The following TBC1D5 variants were observed in gnomAD, a reference collection of about 807,000 sequenced individuals.
TBC1D5 encodes TBC1 domain family, member 5.
A neutral mutation model predicts 100.3 loss-of-function variants in TBC1D5; 75 were observed. The observed-to-expected ratio is 0.75, with a 90% CI of 0.62 to 0.91. The LOEUF is 0.91. TBC1D5 is among the 40% of genes least tolerant of loss of function. TBC1D5 has a pLI of 0.00. For missense variants in TBC1D5, 910 were observed against 942.4 expected (o/e 0.97, Z 0.45); for synonymous variants, 323 against 325.6 (o/e 0.99, Z 0.09).
intron 4 of TBC1D5, among the ~76,000 whole-genome samples, chr3:17,419,781 T>A (rs2094164459): frequency 6.6e-6 from 1 of 152,164 alleles, no homozygotes; most frequent in South Asian, 2.1e-4. Context: ...GCTCAAGTGA[T>A]TGTCCCACCT....
At chr3:17,691,257 C>T (rs566932961) in intron 1 of TBC1D5, among the ~76,000 whole-genome samples, 1 of 152,178 alleles carries the variant, frequency 6.6e-6, no homozygotes, top group African/African-American at 2.4e-5. Context: ...CACACCGACC[C>T]CCGATCCCTG....
At chr3:17,680,261 T>A (rs1560450366) in intron 1 of TBC1D5, among the ~76,000 whole-genome samples, 1 of 150,768 alleles carries the variant, frequency 6.6e-6, no homozygotes, top group Non-Finnish European at 1.5e-5. Context: ...AGACAGGGTC[T>A]TGCTATGTCA....
intron 3 of TBC1D5, among the ~76,000 whole-genome samples, chr3:17,507,932 A>T (rs1308679569): frequency 1.3e-5 from 2 of 152,270 alleles, no homozygotes; most frequent in Admixed American, 1.3e-4. Flanking sequence ...GTAGAACCTG[A>T]ATACGGTCTA....
chr3:17,489,687 T>A (rs1003833233), intron 3 of TBC1D5, among the ~76,000 whole-genome samples: 1 of 152,198 alleles, frequency 6.6e-6, no homozygotes, highest in African/African-American at 2.4e-5. Context: ...GACATGATGG[T>A]GTTCCCTTTT....
Position 17,354,318 on chromosome 3 carries a change from C to T in TBC1D5, c.995+17757G>A, listed in dbSNP as rs542777038. ...GAGGAGTTTCTTCATTTACAAACCT[C>T]TCCTTCTGATAGACTTTATCACTTT... On this transcript the variant is annotated intron_variant, in intron 13 of 21. Transcript: ENST00000253692. Among the ~76,000 whole-genome samples, 12 of 152,264 alleles carry T rather than the reference C, an allele frequency of 7.9e-5. No individual in the cohort carries two copies. The South Asian group carries it at 2.3e-3, about 29-fold the overall frequency.
chr3:17,192,774 T>G (rs2070118053), intron 18 of TBC1D5, among the ~76,000 whole-genome samples: 1 of 152,254 alleles, frequency 6.6e-6, no homozygotes, highest in Admixed American at 6.5e-5. Context: ...TATGGCCAGG[T>G]AGCTGGGCAA....
At chr3:17,520,406 T>A (rs1046623026) in intron 2 of TBC1D5, among the ~76,000 whole-genome samples, 1 of 152,166 alleles carries the variant, frequency 6.6e-6, no homozygotes, top group Non-Finnish European at 1.5e-5. Flanking sequence ...ATTTTTAAAT[T>A]AAGGTTAAGA....
intron 1 of TBC1D5, chr3:17,664,973 G>T (rs1407208922): frequency 7.1e-6 from 1 of 140,172 alleles, no homozygotes; most frequent in African/African-American, 2.7e-5. Context: ...AAAGGTTACA[G>T]GCTCTTTTAG....
intron 8 of TBC1D5, among the ~76,000 whole-genome samples, chr3:17,385,346 T>C (rs909247017): frequency 6.6e-6 from 1 of 152,064 alleles, no homozygotes; most frequent in Non-Finnish European, 1.5e-5. Context: ...ACCTAGAGCA[T>C]GAAGGCATAG....
chr3:17,682,892 T>C (rs1372265654), intron 1 of TBC1D5, among the ~76,000 whole-genome samples: 1 of 151,484 alleles, frequency 6.6e-6, no homozygotes, highest in Non-Finnish European at 1.5e-5. Flanking sequence ...CTTATGGCAT[T>C]CATACCAATA....
intron 15 of TBC1D5, among the ~76,000 whole-genome samples, chr3:17,259,574 C>A (rs1319101024): frequency 6.6e-6 from 1 of 151,912 alleles, no homozygotes; most frequent in Non-Finnish European, 1.5e-5. Flanking sequence ...GTTTTTGAAC[C>A]AAGGCATGCA....
chr3:17,490,648 T>C (rs1479564054), intron 3 of TBC1D5, among the ~76,000 whole-genome samples: 2 of 152,162 alleles, frequency 1.3e-5, no homozygotes, highest in African/African-American at 4.8e-5. Context: ...ATATCTGAGT[T>C]CTCTATTCTG....
chr3:17,460,150 CAT>C (rs555410828), intron 3 of TBC1D5, among the ~76,000 whole-genome samples: 147 of 152,246 alleles, frequency 9.7e-4, no homozygotes, highest in Non-Finnish European at 1.7e-3. Context: ...CAATTAATGA[CAT>C]GTTATGGGAA....
intron 19 of TBC1D5, among the ~76,000 whole-genome samples, chr3:17,182,261 T>A (rs1272443965): frequency 6.6e-6 from 1 of 152,200 alleles, no homozygotes; most frequent in African/African-American, 2.4e-5. Context: ...GCAGTCATGC[T>A]ATTTATATGA....
At chr3:17,734,443 T>C (rs2076804177) in intron 1 of TBC1D5, among the ~76,000 whole-genome samples, 1 of 152,180 alleles carries the variant, frequency 6.6e-6, no homozygotes, top group African/African-American at 2.4e-5. Context: ...GACCCTCTAC[T>C]TCATACTGTA....
intron 2 of TBC1D5, among the ~76,000 whole-genome samples, chr3:17,594,362 C>T (rs576385086): frequency 2.6e-5 from 4 of 152,218 alleles, no homozygotes; most frequent in South Asian, 2.1e-4. Flanking sequence ...GGACTACAAA[C>T]GGTCCAGAAC....
At chr3:17,330,845 A>G (rs1240862784) in intron 13 of TBC1D5, among the ~76,000 whole-genome samples, 1 of 152,132 alleles carries the variant, frequency 6.6e-6, no homozygotes, top group East Asian at 1.9e-4. Flanking sequence ...CTCCTCTTGT[A>G]CTTACAGCTG....
At chr3:17,296,857 A>C (rs1480836151) in intron 14 of TBC1D5, among the ~76,000 whole-genome samples, 1 of 152,224 alleles carries the variant, frequency 6.6e-6, no homozygotes. Flanking sequence ...TAAGACTTTT[A>C]ATTTCACTTT....
chr3:17,596,518 C>G (rs2060578443), intron 2 of TBC1D5, among the ~76,000 whole-genome samples: 1 of 151,120 alleles, frequency 6.6e-6, no homozygotes, highest in Non-Finnish European at 1.5e-5. Flanking sequence ...CAGGGTTTCA[C>G]CATGTTGGCT....
Sources: gnomAD v4.1 joint callset for allele counts (sites outside exome capture counted in the v4.1 genomes callset) on GRCh38, gnomAD v4.1.1 for gene constraint, MANE v1.5 for transcripts, NCBI Gene and HGNC (gene_info 2026-07-23, HGNC 2026-07-21) for gene names.